The following CDC42BPA variants were observed in gnomAD, a reference collection of about 807,000 sequenced individuals.
CDC42BPA encodes the protein CDC42 binding protein kinase alpha, also known as serine/threonine-protein kinase MRCK alpha.
A neutral mutation model predicts 223.5 loss-of-function variants in CDC42BPA; 80 were observed. That is an observed-to-expected ratio of 0.36 (90% confidence interval 0.30 to 0.43). CDC42BPA has a LOEUF of 0.43. CDC42BPA is among the 20% of genes least tolerant of loss of function. The pLI, the probability that CDC42BPA is intolerant of heterozygous loss-of-function variation, is 1.00. For missense variants in CDC42BPA, 1,743 were observed against 2,099.9 expected (o/e 0.83, Z 3.32); for synonymous variants, 694 against 718.6 (o/e 0.97, Z 0.55).
intron 1 of CDC42BPA, among the ~76,000 whole-genome samples, chr1:227,298,581 AAT>A (rs1381785809): frequency 6.6e-6 from 1 of 152,094 alleles, no homozygotes; most frequent in Non-Finnish European, 1.5e-5. Context: ...TGTCCTTTAT[AAT>A]CAACTGTTAA....
chr1:227,189,216 T>G (rs1392553581), intron 5 of CDC42BPA, among the ~76,000 whole-genome samples: 2 of 152,106 alleles, frequency 1.3e-5, no homozygotes, highest in African/African-American at 2.4e-5. Flanking sequence ...AAATATATGC[T>G]TATACCCCTG....
chr1:227,058,706 A>G (rs1438073670), intron 21 of CDC42BPA, among the ~76,000 whole-genome samples: 1 of 152,166 alleles, frequency 6.6e-6, no homozygotes, highest in East Asian at 1.9e-4. Flanking sequence ...AGAAACACAG[A>G]GCTAGGATTA....
intron 1 of CDC42BPA, among the ~76,000 whole-genome samples, chr1:227,268,643 A>ATATAGT (rs1553426703): frequency 0.094 from 13,466 of 143,800 alleles, 1,041 homozygotes; most frequent in East Asian, 0.35. Flanking sequence ...GTATATATAT[A>ATATAGT]GTGTGTGTGT....
rs968720900 is a variant in CDC42BPA, at chr1:227,120,168, T to C, written c.1514-231A>G. On this transcript the variant is annotated intron_variant, in intron 11 of 36. Transcript: ENST00000366766. ...GTGCAACAATGCCTTACATACTCATTAGGAAAAAAAAAAAAAGCATGCTTC... is the reference window on the plus strand; with the variant it reads ...GTGCAACAATGCCTTACATACTCATCAGGAAAAAAAAAAAAAGCATGCTTC... Among the ~76,000 whole-genome samples, 4 of 148,204 alleles carry C rather than the reference T, an allele frequency of 2.7e-5. No homozygotes were observed. Among genetic ancestry groups the C allele is most frequent in the Non-Finnish European group, 4.5e-5 (3 of 67,146 alleles).
chr1:227,267,367 G>C (rs565879064), intron 1 of CDC42BPA, among the ~76,000 whole-genome samples: 1 of 152,308 alleles, frequency 6.6e-6, no homozygotes, highest in African/African-American at 2.4e-5. Flanking sequence ...TAGAAGACCT[G>C]TGAGAGGGGA....
intron 30 of CDC42BPA, among the ~76,000 whole-genome samples, chr1:227,026,360 T>C (rs1668250042): frequency 6.6e-6 from 1 of 152,238 alleles, no homozygotes; most frequent in African/African-American, 2.4e-5. Flanking sequence ...TCAGATTATA[T>C]AGCCGTTATA....
intron 3 of CDC42BPA, among the ~76,000 whole-genome samples, chr1:227,211,918 CA>C (rs1017233125): frequency 2.0e-5 from 3 of 151,142 alleles, no homozygotes; most frequent in Admixed American, 6.6e-5. Context: ...TATATAAAAA[CA>C]AAAAAAATGT....
intron 5 of CDC42BPA, among the ~76,000 whole-genome samples, chr1:227,188,380 G>A (rs1180184843): frequency 6.8e-6 from 1 of 147,596 alleles, no homozygotes; most frequent in Non-Finnish European, 1.5e-5. Flanking sequence ...TTAAAAAATA[G>A]AAGTATAATT....
chr1:227,133,986 A>AATAAATAAATAC (rs1657963747), intron 10 of CDC42BPA, among the ~76,000 whole-genome samples: 2 of 151,552 alleles, frequency 1.3e-5, no homozygotes, highest in Non-Finnish European at 2.9e-5. Flanking sequence ...TAAATAAATA[A>AATAAATAAATAC]ATAAATAAAT....
At chr1:227,142,737 G>A (rs903555904) in intron 9 of CDC42BPA, among the ~76,000 whole-genome samples, 3 of 151,544 alleles carry the variant, frequency 2.0e-5, no homozygotes, top group Admixed American at 6.6e-5. Flanking sequence ...CTCCTGCCTC[G>A]GCCTCCCGAG....
chr1:227,275,740 T>C (rs1686850978), intron 1 of CDC42BPA, among the ~76,000 whole-genome samples: 1 of 152,046 alleles, frequency 6.6e-6, no homozygotes, highest in Non-Finnish European at 1.5e-5. Context: ...GTGCCTGGGA[T>C]TGCAGGCACG....
intron 32 of CDC42BPA, among the ~76,000 whole-genome samples, chr1:227,017,617 T>A (rs1666550591): frequency 6.6e-6 from 1 of 152,222 alleles, no homozygotes. Flanking sequence ...AAGGTAAGAA[T>A]CTGTCGCTAT....
chr1:227,287,418 C>A (rs962003986), intron 1 of CDC42BPA, among the ~76,000 whole-genome samples: 2 of 152,112 alleles, frequency 1.3e-5, no homozygotes, highest in Non-Finnish European at 1.5e-5. Flanking sequence ...TGCTGAAAAT[C>A]TACTATCCTT....
intron 5 of CDC42BPA, among the ~76,000 whole-genome samples, chr1:227,166,270 G>C (rs1222686011): frequency 1.3e-5 from 2 of 152,142 alleles, no homozygotes; most frequent in Non-Finnish European, 2.9e-5. Flanking sequence ...GAAATAACGA[G>C]GCCTCAGGAG....
intron 35 of CDC42BPA, among the ~76,000 whole-genome samples, chr1:226,996,776 T>G (rs1661705476): frequency 6.6e-6 from 1 of 152,252 alleles, no homozygotes; most frequent in African/African-American, 2.4e-5. Context: ...GACTTGCGTA[T>G]GTGGAACCAG....
At chr1:227,297,967 T>TATATATATACACACACAC (rs369403944) in intron 1 of CDC42BPA, among the ~76,000 whole-genome samples, 41 of 132,072 alleles carry the variant, frequency 3.1e-4, no homozygotes, top group African/African-American at 1.1e-3. Flanking sequence ...TATATACATA[T>TATATATATACACACACAC]ACACACACAC....
intron 3 of CDC42BPA, among the ~76,000 whole-genome samples, chr1:227,206,763 T>C (rs547500566): frequency 2.0e-5 from 3 of 152,280 alleles, no homozygotes; most frequent in Non-Finnish European, 2.9e-5. Flanking sequence ...CTCAAATAGT[T>C]TGAGGAGAGT....
At chr1:227,227,250 G>A (rs1677024980) in intron 2 of CDC42BPA, among the ~76,000 whole-genome samples, 1 of 151,946 alleles carries the variant, frequency 6.6e-6, no homozygotes, top group South Asian at 2.1e-4. Flanking sequence ...CCCGTCAACA[G>A]CTACTAAAAA....
At chr1:227,305,432 G>C (rs1692368743) in intron 1 of CDC42BPA, among the ~76,000 whole-genome samples, 1 of 152,110 alleles carries the variant, frequency 6.6e-6, no homozygotes, top group African/African-American at 2.4e-5. Flanking sequence ...ATTGTGGTTT[G>C]TTGTCTCAAG....
Sources: allele counts gnomAD v4.1 joint callset (sites outside exome capture counted in the v4.1 genomes callset), GRCh38; gene constraint gnomAD v4.1.1; transcripts MANE v1.5; gene names NCBI Gene and HGNC (gene_info 2026-07-23, HGNC 2026-07-21).